Variants in HK1 observed in about 807,000 individuals in gnomAD.
HK1 encodes hexokinase 1, also known as hexokinase-1.
Under a neutral mutation model 91.6 loss-of-function variants are expected in HK1, and 28 were observed. The ratio of observed to expected loss-of-function variants is 0.31; its 90% CI spans 0.23 to 0.42. The LOEUF is 0.42. Ranked by LOEUF, HK1 falls within the 10% of genes least tolerant of loss-of-function variation. The pLI is 1.00. For missense variants in HK1, 770 were observed against 1,219.8 expected, an observed-to-expected ratio of 0.63 and a Z score of 5.49; for synonymous variants, 430 against 468.1, an observed-to-expected ratio of 0.92 and a Z score of 1.05.
chr10:69,310,814 T>A (rs553033769), upstream of HK1, among the ~76,000 whole-genome samples: 1 of 152,286 alleles, frequency 6.6e-6, no homozygotes, highest in East Asian at 1.9e-4. Flanking sequence ...CTCAGCACTT[T>A]GGGAGGCTGT....
chr10:69,331,287 T>G (rs1847703168), intron 1 of HK1, among the ~76,000 whole-genome samples: 1 of 152,256 alleles, frequency 6.6e-6, no homozygotes, highest in Admixed American at 6.5e-5. Flanking sequence ...TCTTTTGTTA[T>G]AGGGGCCTCA....
At chr10:69,330,014 GA>G (rs199660077) in intron 1 of HK1, among the ~76,000 whole-genome samples, 1,665 of 145,888 alleles carry the variant, frequency 0.011, 24 homozygotes, top group African/African-American at 0.036. Context: ...TTTAAAAGAG[GA>G]CCCCCCAGGA....
intron 7 of HK1, among the ~76,000 whole-genome samples, chr10:69,375,432 G>T (rs999983842): frequency 6.6e-6 from 1 of 152,186 alleles, no homozygotes; most frequent in Non-Finnish European, 1.5e-5. Context: ...TCCCACAGGA[G>T]CCTGGGGTGG....
intron 1 of HK1, chr10:69,338,673 A>G: frequency 8.2e-7 from 1 of 1,226,904 alleles, no homozygotes; most frequent in Non-Finnish European, 1.0e-6. Flanking sequence ...AGGATTATGG[A>G]GATGTGAGTG....
chr10:69,371,659 C>T (rs1240844419), intron 7 of HK1, among the ~76,000 whole-genome samples: 1 of 152,198 alleles, frequency 6.6e-6, no homozygotes, highest in Non-Finnish European at 1.5e-5. Context: ...AGGCCCTTAT[C>T]CTTGGTTCCC....
Position 69,369,610 on chromosome 10 carries a change from C to T in HK1, c.861C>T (p.Asn287=), listed in dbSNP as rs1328964288. ...FDREIDRGSL[N]PGKQLFEKMV... is the part of the protein sequence containing the mutation. ...GGGAGATAGACCGGGGATCCCTCAA[C>T]CCTGGAAAACAGCTGTGAGTCCTTG... The change falls in exon 7 of 18, where the codon AAC becomes AAT. Residue 287 remains asparagine (N), a synonymous_variant. Coordinates refer to ENST00000359426, the MANE Select transcript of HK1 (RefSeq NM_000188.3). This position sits in a 1 kb window ranked among gnomAD's most constrained non-coding sequence, Gnocchi z 4.4. The T allele has an allele frequency of 6.2e-7, 1 of 1,613,964 alleles. No individual in the cohort carries two copies. The highest frequency in any genetic ancestry group is 8.5e-7 in the Non-Finnish European group (1 of 1,180,012).
upstream of HK1, among the ~76,000 whole-genome samples, chr10:69,313,909 G>C (rs1336453799): frequency 1.3e-5 from 2 of 152,194 alleles, no homozygotes; most frequent in Non-Finnish European, 2.9e-5. Context: ...GGTGGTTGCT[G>C]ATTTACTGAC....
intron 17 of HK1, 77 bp from the exon 18 acceptor site, chr10:69,400,914 T>A (rs1840356924): frequency 6.7e-7 from 1 of 1,485,948 alleles, no homozygotes. Context: ...GGGGGCTGTC[T>A]GTGCTTTGGT....
intron 4 of HK1, among the ~76,000 whole-genome samples, chr10:69,299,662 CTTTG>C (rs1422971697): frequency 6.8e-6 from 1 of 146,802 alleles, no homozygotes; most frequent in East Asian, 2.1e-4. Context: ...CCGCGCCCAG[CTTTG>C]TTTGTGTTTT....
chr10:69,327,191 A>G (rs1002488009), intron 1 of HK1, among the ~76,000 whole-genome samples: 4 of 151,862 alleles, frequency 2.6e-5, no homozygotes, highest in Non-Finnish European at 4.4e-5. Flanking sequence ...GGGTTTCACC[A>G]TGTTGGTCAG....
intron 4 of HK1, 108 bp downstream of exon 4, chr10:69,365,010 G>A: frequency 3.2e-6 from 4 of 1,252,930 alleles, no homozygotes; most frequent in Non-Finnish European, 4.6e-6. Context: ...TGGTTTGCAT[G>A]TCTGGTATTT....
At chr10:69,317,245 G>A (rs973443487), upstream of HK1, among the ~76,000 whole-genome samples, 16 of 152,078 alleles carry the variant, frequency 1.1e-4, no homozygotes, top group African/African-American at 2.7e-4. Flanking sequence ...CGTATTTTGC[G>A]TACAGTATTA....
intron 3 of HK1, among the ~76,000 whole-genome samples, chr10:69,290,647 C>T (rs1055445451): frequency 1.3e-5 from 2 of 152,126 alleles, no homozygotes; most frequent in East Asian, 1.9e-4. Flanking sequence ...TACAGGCTCC[C>T]GCCACCACGC....
intron 5 of HK1, among the ~76,000 whole-genome samples, chr10:69,305,455 CCTAATGTATAT>C: frequency 6.6e-6 from 1 of 152,024 alleles, no homozygotes; most frequent in East Asian, 1.9e-4. Flanking sequence ...TAGTGCCTGG[CCTAATGTATAT>C]TTAATTAGCC....
intron 8 of HK1, among the ~76,000 whole-genome samples, chr10:69,379,400 A>G (rs978101364): frequency 3.3e-5 from 5 of 152,222 alleles, no homozygotes; most frequent in African/African-American, 9.6e-5. Flanking sequence ...TAACAAAACT[A>G]TAAAGTACTT....
intron 5 of HK1, among the ~76,000 whole-genome samples, chr10:69,301,202 G>A (rs181231893): frequency 0.013 from 1,652 of 129,130 alleles, 24 homozygotes; most frequent in African/African-American, 0.045. Context: ...CCGAGATCAC[G>A]CCACTGCACT....
chr10:69,362,996 G>C (rs541910345), intron 3 of HK1, among the ~76,000 whole-genome samples: 11 of 152,280 alleles, frequency 7.2e-5, no homozygotes, highest in African/African-American at 2.4e-4. Context: ...AGCTGGCTTG[G>C]GGGGGATCTG....
chr10:69,272,177 A>G (rs1844204641), intron 1 of HK1, among the ~76,000 whole-genome samples: 1 of 152,180 alleles, frequency 6.6e-6, no homozygotes, highest in Non-Finnish European at 1.5e-5. Context: ...TATATTTGTG[A>G]TTTCCACTGG....
chr10:69,389,636 G>A (rs1261673885), intron 14 of HK1, among the ~76,000 whole-genome samples: 1 of 152,090 alleles, frequency 6.6e-6, no homozygotes. Flanking sequence ...AGCTCTATGG[G>A]CCTTGTATGG....
Sources: allele counts gnomAD v4.1 joint callset (sites outside exome capture counted in the v4.1 genomes callset), GRCh38; gene constraint gnomAD v4.1.1; non-coding constraint Gnocchi (gnomAD v3.1); transcripts MANE v1.5; gene names NCBI Gene and HGNC (gene_info 2026-07-23, HGNC 2026-07-21).